Variants in DOCK7 observed in about 807,000 individuals in gnomAD.
DOCK7 encodes dedicator of cytokinesis protein 7.
A neutral mutation model predicts 271.0 loss-of-function variants in DOCK7; 138 were observed. The observed-to-expected ratio is 0.51, with a 90% CI of 0.44 to 0.59. The LOEUF is 0.59. Ranked by LOEUF, DOCK7 falls within the 20% of genes least tolerant of loss-of-function variation. The pLI, the probability that DOCK7 is intolerant of heterozygous loss-of-function variation, is 0.00. For missense variants in DOCK7, 2,066 were observed against 2,592.4 expected, an observed-to-expected ratio of 0.80 and a Z score of 4.41; for synonymous variants, 823 against 876.1, an observed-to-expected ratio of 0.94 and a Z score of 1.07.
At chr1:62,638,224 G>A (rs1655517051) in intron 7 of DOCK7, 1 of 152,138 alleles carries the variant, frequency 6.6e-6, no homozygotes, top group Non-Finnish European at 1.5e-5. Flanking sequence ...ACACTGCCAA[G>A]TATATGTGTT....
rs139268240 is a variant in DOCK7 at position 62,592,288 on chromosome 1, A to G, written c.1683-5664T>C. 1.8e-3 allele frequency among the ~76,000 whole-genome samples: 280 copies of G among 152,286 alleles called. 1 individual carries two copies. The highest frequency in any genetic ancestry group is 6.6e-3 in the African/African-American group (273 of 41,582). On this transcript the variant is annotated intron_variant, in intron 14 of 49. Coordinates refer to ENST00000635253, the MANE Select transcript of DOCK7 (RefSeq NM_001367561.1). ...AAAAATGTTGAGGTAGTTGACACTT[A>G]GCAGGAAAAAGATGAATTCCTATTT...
At position 62,496,495 on chromosome 1, in the gene DOCK7, G is replaced by T; in HGVS notation, c.4767C>A (p.Asn1589Lys). 6.2e-7 allele frequency: 1 copy of T among 1,610,260 alleles called. No individual in the cohort carries two copies. The change falls in exon 38 of 50, where the codon AAC becomes AAA. Residue 1589 changes from asparagine to lysine, a missense_variant and splice_region_variant. Asn to Lys is a moderately conservative substitution (Grantham distance 94). Coordinates refer to ENST00000635253, the MANE Select transcript of DOCK7 (RefSeq NM_001367561.1). Reference sequence around the variant, plus strand: ...TTACCTGCATTTTAACCCTGGCAAAGTTCTGTAACAGAGAAATTGTCCAGT... The same window carrying T: ...TTACCTGCATTTTAACCCTGGCAAATTTCTGTAACAGAGAAATTGTCCAGT... Reference protein sequence around the residue: ...LMRQNFEIGNNFARVKMQVTM... With the variant: ...LMRQNFEIGNKFARVKMQVTM...
At chr1:62,459,125 AC>A (rs1357083018) in intron 48 of DOCK7, 1 of 152,230 alleles carries the variant, frequency 6.6e-6, no homozygotes, top group African/African-American at 2.4e-5. Context: ...AACTAAAAAA[AC>A]AAACTAAGCT....
chr1:62,625,140 GT>G, intron 12 of DOCK7, 118 bp downstream of exon 12: 1 of 836,758 alleles, frequency 1.2e-6, no homozygotes, highest in Middle Eastern at 2.8e-4. Context: ...TATTCTTAAA[GT>G]TTTTAAGTTT....
intron 1 of DOCK7, among the ~76,000 whole-genome samples, chr1:62,680,415 A>C (rs1413746384): frequency 3.3e-5 from 5 of 151,560 alleles, no homozygotes; most frequent in African/African-American, 9.7e-5. Context: ...TTACATGTTA[A>C]ACCTAAAACC....
chr1:62,603,522 C>A (rs1171398170), intron 14 of DOCK7, among the ~76,000 whole-genome samples: 1 of 151,566 alleles, frequency 6.6e-6, no homozygotes, highest in East Asian at 1.9e-4. Context: ...TACCAAAGGC[C>A]AGGTTTACAT....
At chr1:62,531,038 C>A (rs1025906124) in intron 29 of DOCK7, among the ~76,000 whole-genome samples, 1 of 152,142 alleles carries the variant, frequency 6.6e-6, no homozygotes, top group Non-Finnish European at 1.5e-5. Flanking sequence ...ATCTAGTGAA[C>A]CTATCTCAGA....
At chr1:62,636,891 C>T (rs975773519) in intron 7 of DOCK7, among the ~76,000 whole-genome samples, 1 of 152,148 alleles carries the variant, frequency 6.6e-6, no homozygotes, top group Admixed American at 6.5e-5. Context: ...GCACTAATCA[C>T]TTTCTAACAT....
chr1:62,623,942 T>C (rs771692023), intron 12 of DOCK7, among the ~76,000 whole-genome samples: 16 of 152,292 alleles, frequency 1.1e-4, no homozygotes, highest in South Asian at 2.1e-4. Flanking sequence ...TCTTGCCCTC[T>C]CAAGTTATGA....
chr1:62,643,509 T>C (rs74685044), intron 7 of DOCK7, among the ~76,000 whole-genome samples: 4,181 of 152,330 alleles, frequency 0.027, 189 homozygotes, highest in African/African-American at 0.094. Flanking sequence ...GTAATTTCTT[T>C]GCATAGGATC....
chr1:62,498,565 C>G (rs1440875300), intron 37 of DOCK7, among the ~76,000 whole-genome samples: 2 of 151,744 alleles, frequency 1.3e-5, no homozygotes, highest in African/African-American at 2.4e-5. Flanking sequence ...ACAAAACCAT[C>G]TGAACTAGAT....
intron 31 of DOCK7, among the ~76,000 whole-genome samples, chr1:62,514,824 A>G (rs1191356454): frequency 6.6e-6 from 1 of 152,120 alleles, no homozygotes; most frequent in East Asian, 1.9e-4. Context: ...CTATACCAAG[A>G]AAGGGTAAAG....
At chr1:62,517,469 C>T (rs968043914) in intron 31 of DOCK7, among the ~76,000 whole-genome samples, 3 of 152,040 alleles carry the variant, frequency 2.0e-5, no homozygotes, top group African/African-American at 7.2e-5. Flanking sequence ...GTGGTGCATG[C>T]CTGTATTCCC....
At chr1:62,580,955 C>CA (rs956216112) in intron 16 of DOCK7, among the ~76,000 whole-genome samples, 3 of 152,156 alleles carry the variant, frequency 2.0e-5, no homozygotes, top group African/African-American at 7.2e-5. Flanking sequence ...CAGCTACACC[C>CA]ATTTACTTGT....
At chr1:62,507,221 C>G (rs1378603342) in intron 35 of DOCK7, among the ~76,000 whole-genome samples, 1 of 152,068 alleles carries the variant, frequency 6.6e-6, no homozygotes, top group East Asian at 1.9e-4. Flanking sequence ...AAATATGAAC[C>G]TGGCAGAGTA....
intron 31 of DOCK7, among the ~76,000 whole-genome samples, chr1:62,522,056 A>T (rs1233952008): frequency 6.6e-6 from 1 of 152,114 alleles, no homozygotes; most frequent in East Asian, 1.9e-4. Flanking sequence ...AGTCTCACAG[A>T]TAATAAATTA....
intron 14 of DOCK7, among the ~76,000 whole-genome samples, chr1:62,614,375 G>T (rs1186060821): frequency 6.6e-6 from 1 of 151,724 alleles, no homozygotes; most frequent in Non-Finnish European, 1.5e-5. Flanking sequence ...CATATAAGCT[G>T]TCCATAAGGC....
At chr1:62,528,928 A>C (rs1175516636) in intron 30 of DOCK7, among the ~76,000 whole-genome samples, 1 of 152,206 alleles carries the variant, frequency 6.6e-6, no homozygotes, top group East Asian at 1.9e-4. Flanking sequence ...TTTCAATTTT[A>C]TATATATGAA....
intron 2 of DOCK7, among the ~76,000 whole-genome samples, chr1:62,662,010 T>G (rs2149714121): frequency 6.6e-6 from 1 of 152,304 alleles, no homozygotes; most frequent in South Asian, 2.1e-4. Flanking sequence ...AAAGTAAACT[T>G]TATGTTTTCA....
Sources: allele counts gnomAD v4.1 joint callset (sites outside exome capture counted in the v4.1 genomes callset), GRCh38; gene constraint gnomAD v4.1.1; transcripts MANE v1.5; gene names NCBI Gene and HGNC (gene_info 2026-07-23, HGNC 2026-07-21).